The following GRIK4 variants were observed in gnomAD, a reference collection of about 807,000 sequenced individuals.
The protein encoded by GRIK4 is glutamate ionotropic receptor kainate type subunit 4.
In GRIK4, 40 loss-of-function variants were observed where a neutral mutation model predicts 104.9. That is an observed-to-expected ratio of 0.38 (90% CI 0.30 to 0.50). GRIK4 has a LOEUF of 0.50. Among genes scored for constraint, GRIK4 ranks in the 20% least tolerant of loss-of-function variants. The probability of loss-of-function intolerance (pLI) is 0.93; values close to 1 mark genes in which losing one functional copy is unlikely to be tolerated. For missense variants in GRIK4, 1,047 were observed against 1,308.1 expected (o/e 0.80, Z 3.08); for synonymous variants, 485 against 524.9 (o/e 0.92, Z 1.04).
chr11:120,863,415 G>C (rs1024585928), intron 9 of GRIK4, among the ~76,000 whole-genome samples: 3 of 152,204 alleles, frequency 2.0e-5, no homozygotes, highest in Non-Finnish European at 2.9e-5. Context: ...ATCTATATTT[G>C]TGTAAGCACA....
intron 1 of GRIK4, among the ~76,000 whole-genome samples, chr11:120,607,138 A>G (rs1948972690): frequency 6.6e-6 from 1 of 152,196 alleles, no homozygotes; most frequent in African/African-American, 2.4e-5. Flanking sequence ...TCAGTGGTCC[A>G]GGTGAGAAAT....
At chr11:120,608,416 A>G (rs34884722) in intron 1 of GRIK4, among the ~76,000 whole-genome samples, 61,522 of 152,092 alleles carry the variant, frequency 0.4, 12,614 homozygotes, top group Admixed American at 0.5. Context: ...GGACACATTT[A>G]CAAAGGCTCT....
At position 120,969,693 on chromosome 11, in the gene GRIK4, A is replaced by G. The variant is rs372825288; in HGVS notation, c.2395+2370A>G. Among the ~76,000 whole-genome samples the G allele has an allele frequency of 8.9e-4, 135 of 152,336 alleles. 4 individuals are homozygous for G. The South Asian group carries it at 0.027, about 31-fold the overall frequency. ...ACAATGAGTTAAAGGATGGCAGGAA[A>G]GAGCGCCGTCTCTCCTCCATCTGCA... On this transcript the variant is annotated intron_variant, in intron 19 of 20. Coordinates refer to ENST00000527524, the MANE Select transcript of GRIK4 (RefSeq NM_014619.5).
intron 14 of GRIK4, among the ~76,000 whole-genome samples, chr11:120,942,782 T>G (rs575642550): frequency 2.6e-5 from 4 of 152,326 alleles, no homozygotes; most frequent in African/African-American, 9.6e-5. Context: ...GGCTAGGTTA[T>G]GTTGCTTAGA....
intron 7 of GRIK4, among the ~76,000 whole-genome samples, chr11:120,834,380 T>C (rs142815157): frequency 1.3e-4 from 20 of 152,232 alleles, no homozygotes; most frequent in African/African-American, 4.8e-4. Context: ...CTCAGGGCTG[T>C]CTTTCCTGAG....
chr11:120,596,973 C>T (rs1948809985), intron 1 of GRIK4, among the ~76,000 whole-genome samples: 1 of 152,196 alleles, frequency 6.6e-6, no homozygotes. Flanking sequence ...GATCCATCCG[C>T]CTCGGCCTCC....
At position 120,547,448 on chromosome 11, in the gene GRIK4, C is replaced by T. The variant is rs576070778; in HGVS notation, c.-159+35561C>T. On this transcript the variant is annotated intron_variant, in intron 1 of 20. Transcript: ENST00000527524. ...GAGCTGGGCTCCTTTAGACTCTGGT[C>T]GGCGGTGACCACATGCTCACACAGG... Among the ~76,000 whole-genome samples, 22 of 152,202 alleles carry T rather than the reference C, an allele frequency of 1.4e-4. No homozygotes were observed. The South Asian group carries it at 4.2e-3, about 29-fold the overall frequency.
intron 3 of GRIK4, among the ~76,000 whole-genome samples, chr11:120,749,728 G>T (rs1951512080): frequency 6.6e-6 from 1 of 152,190 alleles, no homozygotes; most frequent in Non-Finnish European, 1.5e-5. Flanking sequence ...AAGGCCAGTT[G>T]TAGAGGAGGG....
intron 9 of GRIK4, chr11:120,862,397 A>C (rs1954287166): frequency 3.1e-6 from 1 of 320,454 alleles, no homozygotes; most frequent in South Asian, 1.1e-4. Flanking sequence ...CAATAATACA[A>C]TTGCCGAGAG....
intron 1 of GRIK4, among the ~76,000 whole-genome samples, chr11:120,600,496 A>G (rs137862557): frequency 6.6e-6 from 1 of 152,150 alleles, no homozygotes; most frequent in Non-Finnish European, 1.5e-5. Context: ...AGCAAAGCCC[A>G]CCTGGTTTTT....
intron 1 of GRIK4, among the ~76,000 whole-genome samples, chr11:120,589,761 G>C (rs1218444497): frequency 6.6e-6 from 1 of 152,188 alleles, no homozygotes; most frequent in Non-Finnish European, 1.5e-5. Flanking sequence ...CTCAACAGGA[G>C]ACAGGCACAT....
intron 1 of GRIK4, among the ~76,000 whole-genome samples, chr11:120,587,543 G>A (rs1948683161): frequency 6.6e-6 from 1 of 152,222 alleles, no homozygotes; most frequent in Non-Finnish European, 1.5e-5. Context: ...GACATATGTA[G>A]TTATTATTAT....
At chr11:120,534,636 G>A (rs1947955071) in intron 1 of GRIK4, among the ~76,000 whole-genome samples, 1 of 152,186 alleles carries the variant, frequency 6.6e-6, no homozygotes, top group African/African-American at 2.4e-5. Context: ...GCTGTAGTAA[G>A]TACAGTAAGA....
intron 1 of GRIK4, among the ~76,000 whole-genome samples, chr11:120,581,482 A>G (rs1948579793): frequency 6.6e-6 from 1 of 152,224 alleles, no homozygotes; most frequent in Non-Finnish European, 1.5e-5. Flanking sequence ...GTTAAGTACC[A>G]TCATGTTGTT....
At chr11:120,795,670 G>A (rs981481008) in intron 3 of GRIK4, among the ~76,000 whole-genome samples, 3 of 152,188 alleles carry the variant, frequency 2.0e-5, no homozygotes, top group Non-Finnish European at 2.9e-5. Context: ...CTAATGAAGG[G>A]TACAGAGGAA....
At chr11:120,650,693 C>T (rs1480935701) in intron 1 of GRIK4, among the ~76,000 whole-genome samples, 1 of 152,218 alleles carries the variant, frequency 6.6e-6, no homozygotes, top group East Asian at 1.9e-4. Context: ...GTATATATCC[C>T]AGGGCCTGGA....
At chr11:120,843,635 G>A (rs1256281080) in intron 8 of GRIK4, among the ~76,000 whole-genome samples, 1 of 152,224 alleles carries the variant, frequency 6.6e-6, no homozygotes, top group African/African-American at 2.4e-5. Flanking sequence ...TTAGAGATGA[G>A]CAAGTTGAGA....
chr11:120,734,741 C>G (rs916301470), intron 3 of GRIK4, among the ~76,000 whole-genome samples: 7 of 152,056 alleles, frequency 4.6e-5, no homozygotes, highest in African/African-American at 9.7e-5. Flanking sequence ...TCTCCTCTGT[C>G]TGTGTATTTT....
intron 1 of GRIK4, among the ~76,000 whole-genome samples, chr11:120,546,759 G>A (rs1177575980): frequency 2.0e-5 from 3 of 152,114 alleles, no homozygotes; most frequent in Admixed American, 1.3e-4. Flanking sequence ...CACATGCTCC[G>A]CCCACCTCCT....
Sources: gnomAD v4.1 joint callset for allele counts (sites outside exome capture counted in the v4.1 genomes callset) on GRCh38, gnomAD v4.1.1 for gene constraint, MANE v1.5 for transcripts, NCBI Gene and HGNC (gene_info 2026-07-23, HGNC 2026-07-21) for gene names.